Variants in FBXO32 observed in about 807,000 individuals in gnomAD.
FBXO32 encodes the protein F-box protein 32.
Under a neutral mutation model 48.3 loss-of-function variants are expected in FBXO32, and 15 were observed. That is an observed-to-expected ratio of 0.31 (90% CI 0.21 to 0.48). The LOEUF is 0.48. FBXO32 is among the 20% of genes least tolerant of loss of function. FBXO32 has a pLI of 0.99. For missense variants in FBXO32, 309 were observed against 432.7 expected, an observed-to-expected ratio of 0.71 and a Z score of 2.54; for synonymous variants, 154 against 165.9, an observed-to-expected ratio of 0.93 and a Z score of 0.55.
chr8:123,503,735 A>G (rs1816549974), intron 8 of FBXO32, among the ~76,000 whole-genome samples: 2 of 152,224 alleles, frequency 1.3e-5, no homozygotes, highest in Admixed American at 6.5e-5. Context: ...GATAGAAGGA[A>G]TAAGACCTGC....
chr8:123,530,785 T>A (rs890607126), intron 4 of FBXO32, among the ~76,000 whole-genome samples: 27 of 150,780 alleles, frequency 1.8e-4, no homozygotes, highest in Non-Finnish European at 2.7e-4. Context: ...TGGATAATTT[T>A]TTTTTGTATT....
intron 4 of FBXO32, chr8:123,527,047 A>G (rs1402992282): frequency 2.6e-5 from 4 of 152,234 alleles, no homozygotes; most frequent in Non-Finnish European, 5.9e-5. Context: ...TGAGCTGCAC[A>G]TAATTTCCAT....
At chr8:123,517,491 T>TC in intron 4 of FBXO32, among the ~76,000 whole-genome samples, 1 of 151,964 alleles carries the variant, frequency 6.6e-6, no homozygotes, top group East Asian at 1.9e-4. Flanking sequence ...TTTTTTTTTT[T>TC]TAACTGTCAG....
At chr8:123,508,951 C>T (rs542985767) in intron 6 of FBXO32, among the ~76,000 whole-genome samples, 5 of 152,208 alleles carry the variant, frequency 3.3e-5, no homozygotes, top group South Asian at 2.1e-4. Flanking sequence ...CGAATATAAA[C>T]GTATAAAAGA....
chr8:123,505,459 G>GCGGC (rs1816596391), intron 7 of FBXO32, among the ~76,000 whole-genome samples: 1 of 144,014 alleles, frequency 6.9e-6, no homozygotes, highest in Non-Finnish European at 1.5e-5. Flanking sequence ...TACCACACAG[G>GCGGC]GTGCGGTGGC....
chr8:123,532,027 C>A, intron 3 of FBXO32, 37 bp from the exon 4 acceptor site: 1 of 1,612,254 alleles, frequency 6.2e-7, no homozygotes, highest in South Asian at 1.1e-5. Flanking sequence ...GTTACTCCTG[C>A]CATGCAGAGG....
chr8:123,527,465 G>A (rs1817103975), intron 4 of FBXO32, among the ~76,000 whole-genome samples: 2 of 152,148 alleles, frequency 1.3e-5, no homozygotes, highest in South Asian at 4.2e-4. Flanking sequence ...TAAGGACCAG[G>A]GGAACGGGGC....
At chr8:123,505,778 A>G (rs997916321) in intron 7 of FBXO32, among the ~76,000 whole-genome samples, 1 of 152,148 alleles carries the variant, frequency 6.6e-6, no homozygotes, top group Admixed American at 6.5e-5. Flanking sequence ...GCACTCAGAA[A>G]ATGTAAGTTA....
In FBXO32 at chr8:123,501,711, C is replaced by T. The variant is rs1816494065; in HGVS notation, c.*1662G>A. 1 of 152,192 alleles carries T rather than the reference C, an allele frequency of 6.6e-6. No homozygotes were observed. Among genetic ancestry groups the T allele is most frequent in the Non-Finnish European group, 1.5e-5 (1 of 68,056 alleles). 9.4% of individuals were successfully genotyped at this position (152,192 alleles called of 1,614,324 possible). ...CTCGTTTCTCTCCATGCTTAGCCATCTTTCCCCCTTTCCAGGTCACCCAAA... is the reference window on the plus strand; with the variant it reads ...CTCGTTTCTCTCCATGCTTAGCCATTTTTCCCCCTTTCCAGGTCACCCAAA... On this transcript the variant is annotated 3_prime_UTR_variant, in exon 9 of 9. Coordinates refer to ENST00000517956, the MANE Select transcript of FBXO32 (RefSeq NM_058229.4).
At chr8:123,531,312 A>G (rs562470861) in intron 4 of FBXO32, among the ~76,000 whole-genome samples, 2 of 152,304 alleles carry the variant, frequency 1.3e-5, no homozygotes, top group African/African-American at 2.4e-5. Flanking sequence ...TTAGGTGGAC[A>G]TGGGACTGAA....
At chr8:123,516,892 C>T (rs1260069815) in intron 4 of FBXO32, among the ~76,000 whole-genome samples, 1 of 152,020 alleles carries the variant, frequency 6.6e-6, no homozygotes, top group Non-Finnish European at 1.5e-5. Flanking sequence ...CAGTAGAGAC[C>T]ATGGCCATGG....
intron 6 of FBXO32, among the ~76,000 whole-genome samples, chr8:123,511,191 A>C (rs953588167): frequency 6.6e-6 from 1 of 152,222 alleles, no homozygotes; most frequent in African/African-American, 2.4e-5. Flanking sequence ...CCATTTTAGG[A>C]ATACGGAATC....
Position 123,499,119 on chromosome 8 carries a change from C to T in FBXO32, c.*4254G>A, listed in dbSNP as rs1323415779. On this transcript the variant is annotated 3_prime_UTR_variant, in exon 9 of 9. Transcript: ENST00000517956. The stretch of plus-strand genomic sequence containing the variant: ...GTTCGCATTCAGCTTTGCCACTGTA[C>T]CAGGTGGGCTGACGCACATCCCCTA... 6.6e-6 allele frequency: 1 copy of T among 152,222 alleles called. No individual in the cohort carries two copies. Among genetic ancestry groups the T allele is most frequent in the Non-Finnish European group, 1.5e-5 (1 of 68,046 alleles). The allele number at this position is 152,222 out of a possible 1,614,324, so 9.4% of individuals were successfully genotyped here.
intron 1 of FBXO32, among the ~76,000 whole-genome samples, chr8:123,538,829 C>T (rs962634602): frequency 1.3e-5 from 2 of 151,926 alleles, no homozygotes; most frequent in Non-Finnish European, 2.9e-5. Flanking sequence ...GAACAGGACA[C>T]GGGAGGGGGG....
intron 6 of FBXO32, among the ~76,000 whole-genome samples, chr8:123,511,464 C>T (rs1816732186): frequency 6.6e-6 from 1 of 151,320 alleles, no homozygotes; most frequent in African/African-American, 2.4e-5. Context: ...CAAATGTGAC[C>T]ATCTAGAGGT....
At chr8:123,518,891 G>A (rs1437939012) in intron 4 of FBXO32, among the ~76,000 whole-genome samples, 2 of 152,094 alleles carry the variant, frequency 1.3e-5, no homozygotes, top group African/African-American at 4.8e-5. Flanking sequence ...GCACAGTCAT[G>A]GCTCACTGTA....
chr8:123,537,108 A>G (rs995960898), intron 1 of FBXO32, among the ~76,000 whole-genome samples: 8 of 152,226 alleles, frequency 5.3e-5, no homozygotes. Flanking sequence ...TTAAGCAATA[A>G]TATATTCAGT....
At chr8:123,504,232 C>T (rs1330776089) in intron 8 of FBXO32, among the ~76,000 whole-genome samples, 1 of 151,974 alleles carries the variant, frequency 6.6e-6, no homozygotes, top group Non-Finnish European at 1.5e-5. Context: ...ACATGAATTA[C>T]ATTATCGCAT....
intron 3 of FBXO32, 168 bp from the exon 4 acceptor site, chr8:123,532,158 GCCA>G (rs1209365020): frequency 7.2e-7 from 1 of 1,394,188 alleles, no homozygotes; most frequent in Non-Finnish European, 9.3e-7. Context: ...GCCCTTGAGA[GCCA>G]CCAAGATGGG....
Sources: allele counts gnomAD v4.1 joint callset (sites outside exome capture counted in the v4.1 genomes callset), GRCh38; gene constraint gnomAD v4.1.1; transcripts MANE v1.5; gene names NCBI Gene and HGNC (gene_info 2026-07-23, HGNC 2026-07-21).